ANKRD11: variants seen among roughly 807,000 people sequenced by gnomAD.
ANKRD11 encodes the protein ankyrin repeat domain 11, also known as ankyrin repeat domain-containing protein 11.
ANKRD11 carries 17 observed loss-of-function variants against 195.7 expected under a neutral mutation model. That is an observed-to-expected ratio of 0.09 (90% CI 0.06 to 0.13). The LOEUF (loss-of-function observed/expected upper bound fraction) is 0.13. Among genes scored for constraint, ANKRD11 ranks in the 10% least tolerant of loss-of-function variants. ANKRD11 has a pLI of 1.00. For synonymous variants in ANKRD11, 1,953 were observed against 1,528.1 expected (o/e 1.28, Z -6.49); for missense variants, 3,735 against 3,566.1 (o/e 1.05, Z -1.21).
intron 4 of ANKRD11, among the ~76,000 whole-genome samples, chr16:89,302,162 G>T (rs1285147328): frequency 2.6e-5 from 4 of 152,232 alleles, no homozygotes; most frequent in African/African-American, 9.6e-5. Context: ...CGGCTCCTCT[G>T]GGGGAAGGAG....
chr16:89,415,971 G>A (rs2042293267), intron 2 of ANKRD11, among the ~76,000 whole-genome samples: 1 of 151,924 alleles, frequency 6.6e-6, no homozygotes, highest in Non-Finnish European at 1.5e-5. Flanking sequence ...TAGCAACACT[G>A]CAGTCTCCCT....
At chr16:89,448,533 C>G (rs184006696) in intron 1 of ANKRD11, among the ~76,000 whole-genome samples, 20 of 152,206 alleles carry the variant, frequency 1.3e-4, no homozygotes, top group Non-Finnish European at 1.0e-4. Context: ...AGCCTTACTA[C>G]TATATTATTA....
At chr16:89,466,809 G>C (rs913179534) in intron 1 of ANKRD11, among the ~76,000 whole-genome samples, 2 of 152,216 alleles carry the variant, frequency 1.3e-5, no homozygotes, top group African/African-American at 4.8e-5. Context: ...AGCCAAGTGT[G>C]GGCGGCAGGG....
intron 1 of ANKRD11, among the ~76,000 whole-genome samples, chr16:89,439,463 T>C (rs1035835994): frequency 6.6e-6 from 1 of 152,194 alleles, no homozygotes; most frequent in South Asian, 2.1e-4. Flanking sequence ...GTATACACTT[T>C]CAGTGCTAAA....
At chr16:89,352,730 G>A (rs1303651365) in intron 2 of ANKRD11, among the ~76,000 whole-genome samples, 2 of 152,180 alleles carry the variant, frequency 1.3e-5, no homozygotes, top group Non-Finnish European at 2.9e-5. Flanking sequence ...GGTGAGTCCC[G>A]CTTGCCTCTG....
At chr16:89,396,010 C>T (rs1178674305) in intron 2 of ANKRD11, 4 of 152,168 alleles carry the variant, frequency 2.6e-5, no homozygotes, top group East Asian at 3.8e-4. Flanking sequence ...AAAGAATGAC[C>T]GACCGACATG....
chr16:89,398,326 C>G (rs36098419), intron 2 of ANKRD11, among the ~76,000 whole-genome samples: 49 of 125,146 alleles, frequency 3.9e-4, no homozygotes, highest in African/African-American at 1.5e-3. Flanking sequence ...TGTGAAACAG[C>G]TGAAGACTAC....
chr16:89,312,884 T>C (rs985819174), intron 3 of ANKRD11, among the ~76,000 whole-genome samples: 4 of 152,162 alleles, frequency 2.6e-5, no homozygotes, highest in Admixed American at 2.6e-4. Flanking sequence ...TTGAGGGACG[T>C]AGCTCCCAGC....
Position 89,282,091 on chromosome 16 carries a change from A to C in ANKRD11, c.4451T>G (p.Leu1484Arg), listed in dbSNP as rs745575170. The C allele has an allele frequency of 1.2e-6, 2 of 1,613,876 alleles. No individual in the cohort carries two copies. Among genetic ancestry groups the C allele is most frequent in the Non-Finnish European group, 1.7e-6 (2 of 1,179,958 alleles). ...GAGCTCGTCCCTGTGATGCCGCAGC[A>C]GCCCATCCGCATGCCTGTCCCGGTG... ...ERHRDRHADG[L>R]LRHHRDELLR... Residue 1484 changes from leucine (L) to arginine (R), a missense_variant, in exon 9 of 13, where the codon CTG becomes CGG. By Grantham distance (102) the Leu-to-Arg change is moderately radical (BLOSUM62 -2). Transcript: ENST00000301030.
rs1555529962 is a variant in ANKRD11 at position 89,285,554 on chromosome 16, T to C, written c.988A>G (p.Lys330Glu). ...DSEFEKGLKH[K>E]AKNPEPQKAT... ...TTCTGTGGCTCTGGGTTCTTGGCCT[T>C]GTGCTTGAGGCCTTTTTCGAACTCG... Residue 330 changes from lysine (K) to glutamate (E), a missense_variant, in exon 9 of 13, where the codon AAG becomes GAG. By Grantham distance (56) the Lys-to-Glu change is moderately conservative. Coordinates refer to ENST00000301030, the MANE Select transcript of ANKRD11 (RefSeq NM_013275.6). The surrounding 1 kb of genome is among the most constrained non-coding windows in gnomAD (Gnocchi z 5.6). The C allele has an allele frequency of 1.2e-6, 2 of 1,614,160 alleles. No homozygotes were observed. The highest frequency in any genetic ancestry group is 2.2e-5 in the East Asian group (1 of 44,888).
rs539511561 is a variant in ANKRD11, at chr16:89,273,707, G to A, written c.7713+1107C>T. The stretch of plus-strand genomic sequence containing the variant: ...CGAGACTCCGTCACAAAAAAAAAAA[G>A]GAAAATAAAATTTGTCATTGTGTAT... On this transcript the variant is annotated intron_variant, in intron 11 of 12. Coordinates refer to ENST00000301030, the MANE Select transcript of ANKRD11 (RefSeq NM_013275.6). 9.1e-3 allele frequency among the ~76,000 whole-genome samples: 1,384 copies of A among 151,426 alleles called. 28 individuals are homozygous for A. The highest frequency in any genetic ancestry group is 0.032 in the African/African-American group (1,327 of 41,120).
At position 89,281,368 on chromosome 16, in the gene ANKRD11, G is replaced by A. The variant is rs764002055; in HGVS notation, c.5174C>T (p.Pro1725Leu). ...CGCGTAGTCATCGGCGCTGCAGGACGGGGTCCTGGGCGTGTGCATCACCTC... is the reference window on the plus strand; with the variant it reads ...CGCGTAGTCATCGGCGCTGCAGGACAGGGTCCTGGGCGTGTGCATCACCTC... Reference protein sequence around the residue: ...YEEVMHTPRTPSCSADDYADL... With the variant: ...YEEVMHTPRTLSCSADDYADL... The change falls in exon 9 of 13, where the codon CCG (proline) becomes CTG (leucine). Residue 1725 changes from proline (P) to leucine (L), a missense_variant. Coordinates refer to ENST00000301030, the MANE Select transcript of ANKRD11 (RefSeq NM_013275.6). This position sits in a 1 kb window ranked among gnomAD's most constrained non-coding sequence, Gnocchi z 5.5. 16 of 1,610,010 alleles carry A rather than the reference G, an allele frequency of 9.9e-6. No individual in the cohort carries two copies. Among genetic ancestry groups the A allele is most frequent in the Non-Finnish European group, 1.3e-5 (15 of 1,176,926 alleles).
intron 4 of ANKRD11, chr16:89,297,822 T>A (rs1371109814): frequency 6.6e-6 from 1 of 152,254 alleles, no homozygotes; most frequent in Admixed American, 6.5e-5. Flanking sequence ...GTTACCGTCA[T>A]TGATCACTTA....
chr16:89,412,808 A>C (rs942606185), intron 2 of ANKRD11, among the ~76,000 whole-genome samples: 3 of 152,214 alleles, frequency 2.0e-5, no homozygotes, highest in African/African-American at 7.2e-5. Context: ...GAAATACAGT[A>C]ACCGCAATAT....
intron 1 of ANKRD11, among the ~76,000 whole-genome samples, chr16:89,462,999 TG>T (rs1181832937): frequency 8.2e-6 from 1 of 121,442 alleles, no homozygotes; most frequent in Non-Finnish European, 1.8e-5. Flanking sequence ...GGGAGGGAGG[TG>T]GGGGGGTCAG....
chr16:89,288,721 C>G, intron 6 of ANKRD11, 51 bp from the exon 7 acceptor site: 1 of 1,613,206 alleles, frequency 6.2e-7, no homozygotes, highest in Non-Finnish European at 8.5e-7. Context: ...GAACTTCCCT[C>G]CTGTCTCTGG....
intron 2 of ANKRD11, among the ~76,000 whole-genome samples, chr16:89,361,292 T>C (rs937774747): frequency 6.6e-6 from 1 of 152,206 alleles, no homozygotes; most frequent in African/African-American, 2.4e-5. Context: ...CAGGCCTTCC[T>C]TGGCCTCAGC....
At chr16:89,356,788 A>G (rs1376855522) in intron 2 of ANKRD11, among the ~76,000 whole-genome samples, 4 of 151,142 alleles carry the variant, frequency 2.6e-5, no homozygotes, top group African/African-American at 9.8e-5. Context: ...CTCAAAAAAA[A>G]AAAAAAAGAA....
chr16:89,397,417 T>C (rs1386249000), intron 2 of ANKRD11, among the ~76,000 whole-genome samples: 1 of 152,248 alleles, frequency 6.6e-6, no homozygotes, highest in Non-Finnish European at 1.5e-5. Context: ...TCAGTGATTC[T>C]GGACTCCCAG....
Sources: gnomAD v4.1 joint callset for allele counts (sites outside exome capture counted in the v4.1 genomes callset) on GRCh38, gnomAD v4.1.1 for gene constraint, Gnocchi (gnomAD v3.1) non-coding constraint, MANE v1.5 for transcripts, NCBI Gene and HGNC (gene_info 2026-07-23, HGNC 2026-07-21) for gene names.